The following HOOK3 variants were observed in gnomAD, a reference collection of about 807,000 sequenced individuals.
HOOK3 encodes the protein protein Hook homolog 3.
Under a neutral mutation model 116.3 loss-of-function variants are expected in HOOK3, and 24 were observed. The observed-to-expected ratio is 0.21, with a 90% CI of 0.15 to 0.29. HOOK3 has a LOEUF of 0.29. HOOK3 is among the 10% of genes least tolerant of loss of function. The pLI, the probability that HOOK3 is intolerant of heterozygous loss-of-function variation, is 1.00. For synonymous variants in HOOK3, 275 were observed against 283.0 expected (o/e 0.97, Z 0.28); for missense variants, 632 against 830.2 (o/e 0.76, Z 2.93).
Position 42,943,301 on chromosome 8 carries a change from A to G in HOOK3, c.268-12A>G. 1 of 1,422,472 alleles carries G rather than the reference A, an allele frequency of 7.0e-7. No homozygotes were observed. 88.1% of individuals were successfully genotyped at this position (1,422,472 alleles called of 1,614,324 possible). ...ATGTAAATGCAATTATAATCCTTTT[A>G]TCTCCATTCAGATTTTAGGACAGCA... On this transcript the variant is annotated splice_polypyrimidine_tract_variant and intron_variant, in intron 4 of 21. Coordinates refer to ENST00000307602, the MANE Select transcript of HOOK3 (RefSeq NM_032410.4).
intron 11 of HOOK3, among the ~76,000 whole-genome samples, chr8:42,968,593 G>T (rs1191068263): frequency 3.3e-5 from 5 of 152,212 alleles, no homozygotes; most frequent in Non-Finnish European, 1.5e-5. Flanking sequence ...GCCTTCCAAA[G>T]TGCTAGGATT....
At chr8:42,950,574 C>T (rs1393182318) in intron 6 of HOOK3, 119 bp downstream of exon 6, 2 of 562,620 alleles carry the variant, frequency 3.6e-6, no homozygotes, top group Non-Finnish European at 6.3e-6. Flanking sequence ...TTTTACTTTG[C>T]ATTTATGATA....
Position 42,943,322 on chromosome 8 carries a change from C to A in HOOK3, c.277C>A (p.Gln93Lys). The A allele has an allele frequency of 1.3e-6, 2 of 1,483,978 alleles. No homozygotes were observed. The highest frequency in any genetic ancestry group is 1.8e-6 in the Non-Finnish European group (2 of 1,110,454). 91.9% of individuals were successfully genotyped at this position (1,483,978 alleles called of 1,614,324 possible). A position where few individuals can be genotyped will look rare whatever the true frequency, so the allele number is the denominator to read the frequency against. Reference protein sequence around the residue: ...ILDYNHEILGQQINDFTLPDV... With the variant: ...ILDYNHEILGKQINDFTLPDV... ...TTTTATCTCCATTCAGATTTTAGGA[C>A]AGCAAATTAATGACTTTACCCTTCC... Residue 93 changes from glutamine (Q) to lysine (K), a missense_variant, in exon 5 of 22, where the codon CAG (glutamine) becomes AAG (lysine). This residue lies in a region of HOOK3 where 141 missense variants were observed against 150.8 expected (regional missense o/e 0.93). Transcript: ENST00000307602.
Position 42,966,379 on chromosome 8 carries a change from T to G in HOOK3, c.780-94T>G, listed in dbSNP as rs979606112. ...CATGGGAGACATACTCAAGAAGGCT[T>G]TATTCTCATGCTTTATATCTTTCTT... On this transcript the variant is annotated intron_variant, in intron 9 of 21. Transcript: ENST00000307602. 16 of 1,339,566 alleles carry G rather than the reference T, an allele frequency of 1.2e-5. No individual in the cohort carries two copies. In the African/African-American group the frequency reaches 1.9e-4, roughly 16 times the overall value. The allele number at this position is 1,339,566 out of a possible 1,614,324, so 83.0% of individuals were successfully genotyped here.
intron 6 of HOOK3, among the ~76,000 whole-genome samples, chr8:42,951,947 A>G (rs915589856): frequency 1.3e-5 from 2 of 152,314 alleles, no homozygotes; most frequent in East Asian, 1.9e-4. Flanking sequence ...CAAAAAAAAA[A>G]AGAAAAATAC....
In HOOK3 at chr8:42,974,210, G is replaced by A. The variant is rs577051093; in HGVS notation, c.1321+16G>A. ...ACAACACAAGGTAAAAACGTTTTGC[G>A]AGTACAAACCAGATGATTTCTTTTT... On this transcript the variant is annotated intron_variant, in intron 13 of 21. Coordinates refer to ENST00000307602, the MANE Select transcript of HOOK3 (RefSeq NM_032410.4). The A allele has an allele frequency of 1.9e-5, 30 of 1,576,166 alleles. No homozygotes were observed. Among genetic ancestry groups the A allele is most frequent in the African/African-American group, 5.4e-5 (4 of 74,302 alleles).
At chr8:42,948,660 C>G (rs1345171131) in intron 5 of HOOK3, among the ~76,000 whole-genome samples, 2 of 152,116 alleles carry the variant, frequency 1.3e-5, no homozygotes, top group Non-Finnish European at 2.9e-5. Flanking sequence ...TTTAGTCATC[C>G]TACCTATGCT....
At chr8:42,994,163 G>A (rs1238114840) in intron 15 of HOOK3, among the ~76,000 whole-genome samples, 2 of 152,066 alleles carry the variant, frequency 1.3e-5, no homozygotes, top group Non-Finnish European at 2.9e-5. Context: ...CTATAGGCGT[G>A]CACCACCACC....
At chr8:42,903,180 T>A (rs555812469) in intron 1 of HOOK3, among the ~76,000 whole-genome samples, 1 of 152,242 alleles carries the variant, frequency 6.6e-6, no homozygotes, top group Admixed American at 6.5e-5. Flanking sequence ...CTTGGAAGGA[T>A]CCTCTTATCA....
At chr8:42,907,628 C>G (rs1174363701) in intron 2 of HOOK3, among the ~76,000 whole-genome samples, 2 of 152,000 alleles carry the variant, frequency 1.3e-5, no homozygotes, top group Non-Finnish European at 2.9e-5. Flanking sequence ...GCTAAGTGAA[C>G]TTTACAGGTG....
At chr8:42,910,249 A>C (rs1807397384) in intron 2 of HOOK3, among the ~76,000 whole-genome samples, 1 of 152,220 alleles carries the variant, frequency 6.6e-6, no homozygotes, top group African/African-American at 2.4e-5. Context: ...CAAGATCATA[A>C]TATACATTGT....
At chr8:43,013,250 C>T (rs887163926) in intron 20 of HOOK3, 79 bp from the exon 21 acceptor site, 56 of 1,386,272 alleles carry the variant, frequency 4.0e-5, no homozygotes, top group Middle Eastern at 3.9e-4. Flanking sequence ...TGAGTTTTAA[C>T]AATTAATTGT....
chr8:42,984,292 C>T (rs11988227), intron 14 of HOOK3, among the ~76,000 whole-genome samples: 7,115 of 151,202 alleles, frequency 0.047, 336 homozygotes, highest in African/African-American at 0.12. Flanking sequence ...CACTTGAACC[C>T]AGGAGGCAGA....
intron 15 of HOOK3, chr8:42,994,500 G>T (rs569428549): frequency 2.9e-6 from 1 of 341,372 alleles, no homozygotes; most frequent in Non-Finnish European, 5.8e-6. Flanking sequence ...TCGGTATGTT[G>T]TGTTTCCATT....
rs1563302577 is a variant in HOOK3, at chr8:42,964,478, A to G, written c.779+4A>G. On this transcript the variant is annotated splice_donor_region_variant and intron_variant, in intron 9 of 21. Transcript: ENST00000307602. ...AGCTCCAAGAAGAAACATTCAGGTAAAAGACAACTCATTAAAATCTGATTT... is the reference window on the plus strand; with the variant it reads ...AGCTCCAAGAAGAAACATTCAGGTAGAAGACAACTCATTAAAATCTGATTT... The G allele has an allele frequency of 6.2e-7, 1 of 1,608,026 alleles. No homozygotes were observed.
intron 15 of HOOK3, among the ~76,000 whole-genome samples, chr8:42,991,125 C>T (rs766505664): frequency 2.0e-5 from 3 of 152,092 alleles, no homozygotes; most frequent in Non-Finnish European, 2.9e-5. Flanking sequence ...TCTCTGACTT[C>T]TCTTTTCTGT....
intron 3 of HOOK3, among the ~76,000 whole-genome samples, chr8:42,927,560 C>G (rs1807793103): frequency 6.6e-6 from 1 of 152,014 alleles, no homozygotes; most frequent in South Asian, 2.1e-4. Flanking sequence ...CCGGCCGGCC[C>G]TGTTTTAATT....
intron 21 of HOOK3, among the ~76,000 whole-genome samples, chr8:43,014,544 T>C (rs57152493): frequency 6.6e-6 from 1 of 151,286 alleles, no homozygotes; most frequent in Non-Finnish European, 1.5e-5. Context: ...TAGAGACAGG[T>C]TTTCACCATA....
intron 4 of HOOK3, among the ~76,000 whole-genome samples, chr8:42,937,219 G>C (rs567238341): frequency 6.6e-6 from 1 of 151,854 alleles, no homozygotes; most frequent in Non-Finnish European, 1.5e-5. Context: ...TATTTCTGTG[G>C]GATCAGTGGT....
Sources: gnomAD v4.1 joint callset for allele counts (sites outside exome capture counted in the v4.1 genomes callset) on GRCh38, gnomAD v4.1.1 for gene constraint, gnomAD v4.1.1 regional missense constraint, MANE v1.5 for transcripts, NCBI Gene and HGNC (gene_info 2026-07-23, HGNC 2026-07-21) for gene names.